Variants in LDLRAD4 observed in about 807,000 individuals in gnomAD.
LDLRAD4 encodes low density lipoprotein receptor class A domain containing 4.
LDLRAD4 carries 5 observed loss-of-function variants against 17.0 expected under a neutral mutation model. The observed-to-expected ratio is 0.29, with a 90% CI of 0.15 to 0.62. The LOEUF is 0.62. LDLRAD4 is among the 20% of genes least tolerant of loss of function. The pLI is 0.84. For synonymous variants in LDLRAD4, 168 were observed against 171.8 expected, an observed-to-expected ratio of 0.98 and a Z score of 0.17; for missense variants, 340 against 424.7, an observed-to-expected ratio of 0.80 and a Z score of 1.75.
At chr18:13,588,825 AT>A (rs2094969214) in intron 3 of LDLRAD4, among the ~76,000 whole-genome samples, 1 of 151,924 alleles carries the variant, frequency 6.6e-6, no homozygotes, top group Admixed American at 6.5e-5. Flanking sequence ...GTCCAGCAAA[AT>A]TTACATTTCA....
intron 3 of LDLRAD4, among the ~76,000 whole-genome samples, chr18:13,473,962 G>C (rs1220023719): frequency 1.3e-5 from 2 of 151,998 alleles, no homozygotes; most frequent in African/African-American, 4.8e-5. Context: ...GAGGTGGTTG[G>C]ACCATGGGGG....
intron 1 of LDLRAD4, among the ~76,000 whole-genome samples, chr18:13,226,180 C>CTCTT (rs71370946): frequency 1.9e-5 from 1 of 52,188 alleles, no homozygotes; most frequent in African/African-American, 7.8e-5. Context: ...CCATGCCTTG[C>CTCTT]TTTTTTTTTT....
At chr18:13,303,419 T>TG (rs1244216510) in intron 1 of LDLRAD4, among the ~76,000 whole-genome samples, 1 of 152,144 alleles carries the variant, frequency 6.6e-6, no homozygotes, top group African/African-American at 2.4e-5. Context: ...TAGTTTTTTT[T>TG]GTCTTTCTTC....
chr18:13,356,901 A>C (rs1345945074), intron 1 of LDLRAD4, among the ~76,000 whole-genome samples: 1 of 152,222 alleles, frequency 6.6e-6, no homozygotes. Context: ...TGGAAGGCCG[A>C]GGTGGAGGGA....
Position 13,377,712 on chromosome 18 carries a change from C to A in LDLRAD4, c.-382-9629C>A, listed in dbSNP as rs116381768. ...CTCAGGCAGTGAGGAGTCATCATTC[C>A]GCCAGAGCACAAACTGCTGGCCAGT... On this transcript the variant is annotated intron_variant, in intron 1 of 5. Coordinates refer to ENST00000359446, the Ensembl canonical transcript of LDLRAD4. Among the ~76,000 whole-genome samples the A allele has an allele frequency of 3.5e-3, 538 of 152,256 alleles. 4 individuals are homozygous for A. The highest frequency in any genetic ancestry group is 0.011 in the African/African-American group (474 of 41,546).
chr18:13,415,269 A>G (rs946495272), intron 2 of LDLRAD4, among the ~76,000 whole-genome samples: 1 of 152,202 alleles, frequency 6.6e-6, no homozygotes, highest in African/African-American at 2.4e-5. Context: ...GTCTCTTATG[A>G]CCTGAGAAAG....
intron 3 of LDLRAD4, chr18:13,612,586 T>C: frequency 1.3e-6 from 2 of 1,496,170 alleles, no homozygotes; most frequent in Non-Finnish European, 1.8e-6. Flanking sequence ...CCACACCCCA[T>C]GCCAGCTATA....
chr18:13,511,152 G>A (rs2147465167), intron 3 of LDLRAD4, among the ~76,000 whole-genome samples: 1 of 152,254 alleles, frequency 6.6e-6, no homozygotes, highest in East Asian at 1.9e-4. Context: ...GCAGAAGGAA[G>A]AGGAGAAAAC....
At chr18:13,582,119 C>T (rs1251662718) in intron 3 of LDLRAD4, among the ~76,000 whole-genome samples, 2 of 152,098 alleles carry the variant, frequency 1.3e-5, no homozygotes, top group Non-Finnish European at 2.9e-5. Context: ...CCCCACCCAG[C>T]ATCAATATTT....
chr18:13,503,361 G>A (rs2093642895), intron 3 of LDLRAD4, among the ~76,000 whole-genome samples: 1 of 152,212 alleles, frequency 6.6e-6, no homozygotes, highest in South Asian at 2.1e-4. Context: ...ATTGTTCCCA[G>A]CCGGCAGCGT....
chr18:13,270,100 C>CTGA (rs2044443466), intron 1 of LDLRAD4, among the ~76,000 whole-genome samples: 1 of 152,196 alleles, frequency 6.6e-6, no homozygotes, highest in South Asian at 2.1e-4. Context: ...TGGTGGCTCA[C>CTGA]ATCTGACATC....
intron 3 of LDLRAD4, among the ~76,000 whole-genome samples, chr18:13,482,564 G>A (rs74435864): frequency 0.076 from 11,552 of 152,338 alleles, 544 homozygotes; most frequent in Non-Finnish European, 0.11. Flanking sequence ...AATTGCATGG[G>A]AAGGAGCACA....
At chr18:13,538,367 T>C (rs1293773498) in intron 3 of LDLRAD4, among the ~76,000 whole-genome samples, 1 of 152,204 alleles carries the variant, frequency 6.6e-6, no homozygotes, top group Non-Finnish European at 1.5e-5. Flanking sequence ...ATTGTTTTAT[T>C]TTTACTGTGA....
chr18:13,532,991 C>G (rs1184424234), intron 3 of LDLRAD4, among the ~76,000 whole-genome samples: 1 of 152,214 alleles, frequency 6.6e-6, no homozygotes, highest in Non-Finnish European at 1.5e-5. Context: ...GGAAATGAGC[C>G]TCGTTTGGCT....
chr18:13,570,367 G>A (rs556007045), intron 3 of LDLRAD4, among the ~76,000 whole-genome samples: 36 of 152,312 alleles, frequency 2.4e-4, no homozygotes, highest in Middle Eastern at 3.4e-3. Context: ...ACCAGCAGGC[G>A]GGAGCCCAGA....
At chr18:13,417,677 G>A (rs186938875) in intron 2 of LDLRAD4, among the ~76,000 whole-genome samples, 40 of 152,184 alleles carry the variant, frequency 2.6e-4, no homozygotes, top group African/African-American at 7.9e-4. Context: ...CTAGTGATCC[G>A]CCCATCTCGG....
intron 3 of LDLRAD4, among the ~76,000 whole-genome samples, chr18:13,560,525 C>T (rs2094529508): frequency 6.6e-6 from 1 of 152,204 alleles, no homozygotes; most frequent in African/African-American, 2.4e-5. Flanking sequence ...ATTTGCCCTT[C>T]AGATGACCTG....
chr18:13,268,496 C>G (rs891831421), intron 1 of LDLRAD4, among the ~76,000 whole-genome samples: 5 of 152,224 alleles, frequency 3.3e-5, no homozygotes, highest in African/African-American at 1.2e-4. Flanking sequence ...AGCCTCACAC[C>G]GCAGGCTGCC....
chr18:13,440,008 C>G lies in LDLRAD4; in HGVS notation c.181+1624C>G, dbSNP rs1600280647. 6.6e-6 allele frequency among the ~76,000 whole-genome samples: 1 copy of G among 152,206 alleles called. No homozygotes were observed. The highest frequency in any genetic ancestry group is 2.4e-5 in the African/African-American group (1 of 41,442). Reference sequence around the variant, plus strand: ...GCTAAGCACTCAAGATTACCTCAACCCAGGCTTGGGGTCTTAGAAGGAGGT... The same window carrying G: ...GCTAAGCACTCAAGATTACCTCAACGCAGGCTTGGGGTCTTAGAAGGAGGT... On this transcript the variant is annotated intron_variant, in intron 3 of 5. Transcript: ENST00000359446. This position sits in a 1 kb window ranked among gnomAD's most constrained non-coding sequence, Gnocchi z 4.4.
Sources: gnomAD v4.1 joint callset for allele counts (sites outside exome capture counted in the v4.1 genomes callset) on GRCh38, gnomAD v4.1.1 for gene constraint, Gnocchi (gnomAD v3.1) non-coding constraint, MANE v1.5 for transcripts, NCBI Gene and HGNC (gene_info 2026-07-23, HGNC 2026-07-21) for gene names.